The following KIFC3 variants were observed in gnomAD, a reference collection of about 807,000 sequenced individuals.
KIFC3 encodes the protein kinesin-like protein KIFC3.
In KIFC3, 60 loss-of-function variants were observed where a neutral mutation model predicts 101.8. The ratio of observed to expected loss-of-function variants is 0.59; its 90% confidence interval spans 0.48 to 0.73. The LOEUF (loss-of-function observed/expected upper bound fraction) is 0.73, where lower values mean the gene tolerates loss of function less well. Ranked by LOEUF, KIFC3 falls within the 30% of genes least tolerant of loss-of-function variation. The probability of loss-of-function intolerance (pLI) is 0.00; values close to 1 mark genes in which losing one functional copy is unlikely to be tolerated. For missense variants in KIFC3, 966 were observed against 1,137.1 expected (o/e 0.85, Z 2.16); for synonymous variants, 476 against 482.7 (o/e 0.99, Z 0.18).
In KIFC3 at chr16:57,760,346, A is replaced by G; in HGVS notation, c.2303T>C (p.Val768Ala). 1 of 1,613,968 alleles carries G rather than the reference A, an allele frequency of 6.2e-7. No homozygotes were observed. Among genetic ancestry groups the G allele is most frequent in the Non-Finnish European group, 8.5e-7 (1 of 1,179,980 alleles). The change falls in exon 17 of 20, where the codon GTG (valine) becomes GCG (alanine). Residue 768 changes from valine to alanine, a missense_variant. This residue lies in a region of KIFC3 where 689 missense variants were observed against 884.6 expected (regional missense o/e 0.78). Transcript: ENST00000445690. ...SLKFAERVRS[V>A]ELGPGLRRAE... The stretch of plus-strand genomic sequence containing the variant: ...CCTGCGTAGCCCAGGCCCCAGCTCC[A>G]CAGAGCGCACCCTCTCAGCAAACTT...
chr16:57,837,618 C>G (rs975551935), intron 1 of KIFC3, among the ~76,000 whole-genome samples: 3 of 127,732 alleles, frequency 2.3e-5, no homozygotes, highest in Non-Finnish European at 5.2e-5. Flanking sequence ...CCATAGCAAC[C>G]ATTTAATTGA....
intron 4 of KIFC3, 73 bp downstream of exon 4, chr16:57,772,150 T>G: frequency 2.2e-6 from 3 of 1,343,732 alleles, no homozygotes; most frequent in Non-Finnish European, 3.1e-6. Flanking sequence ...GTCGCACCCC[T>G]GCCCCTGGCA....
intron 1 of KIFC3, among the ~76,000 whole-genome samples, chr16:57,849,729 C>T (rs1290575273): frequency 2.0e-5 from 3 of 151,952 alleles, no homozygotes; most frequent in Admixed American, 2.0e-4. Context: ...ATGATAAAAC[C>T]CCATCTCTAC....
chr16:57,845,280 A>C (rs937572075), intron 1 of KIFC3, among the ~76,000 whole-genome samples: 1 of 152,032 alleles, frequency 6.6e-6, no homozygotes, highest in Non-Finnish European at 1.5e-5. Flanking sequence ...ACTTCTCACC[A>C]CTGCCAGTGC....
At chr16:57,826,758 T>C (rs2055465135) in intron 1 of KIFC3, among the ~76,000 whole-genome samples, 1 of 152,184 alleles carries the variant, frequency 6.6e-6, no homozygotes, top group Admixed American at 6.5e-5. Context: ...GCTGACAGTT[T>C]GTTCTGCTGA....
At chr16:57,833,175 C>T (rs1555479689) in intron 1 of KIFC3, among the ~76,000 whole-genome samples, 4 of 151,868 alleles carry the variant, frequency 2.6e-5, no homozygotes, top group Non-Finnish European at 5.9e-5. Context: ...GACTGCATTG[C>T]AGCCTGGGTG....
chr16:57,769,497 G>T lies in KIFC3; in HGVS notation c.1218+98C>A. On this transcript the variant is annotated intron_variant, in intron 9 of 19. Coordinates refer to ENST00000445690, the MANE Select transcript of KIFC3 (RefSeq NM_001130100.2). This position sits in a 1 kb window ranked among gnomAD's most constrained non-coding sequence, Gnocchi z 4.3. ...TGGGGCAGGGGCTGCTGTCTGAGCG[G>T]CTTTGTCTGAGCTTTGGAGGGACGC... 2.0e-6 allele frequency: 3 copies of T among 1,470,396 alleles called. 1 individual carries two copies. Among genetic ancestry groups the T allele is most frequent in the South Asian group, 2.6e-5 (2 of 76,944 alleles). The allele number at this position is 1,470,396 out of a possible 1,614,324, so 91.1% of individuals were successfully genotyped here. A position where few individuals can be genotyped will look rare whatever the true frequency, so the allele number is the denominator to read the frequency against.
Position 57,769,505 on chromosome 16 carries a change from T to G in KIFC3, c.1218+90A>C. 16 of 1,501,816 alleles carry G rather than the reference T, an allele frequency of 1.1e-5. No homozygotes were observed. The highest frequency in any genetic ancestry group is 1.4e-5 in the African/African-American group (1 of 72,910). 93.0% of individuals were successfully genotyped at this position (1,501,816 alleles called of 1,614,324 possible). A position where few individuals can be genotyped will look rare whatever the true frequency, so the allele number is the denominator to read the frequency against. On this transcript the variant is annotated intron_variant, in intron 9 of 19. Coordinates refer to ENST00000445690, the MANE Select transcript of KIFC3 (RefSeq NM_001130100.2). This position sits in a 1 kb window ranked among gnomAD's most constrained non-coding sequence, Gnocchi z 4.3. Reference sequence around the variant, plus strand: ...GGGCTGCTGTCTGAGCGGCTTTGTCTGAGCTTTGGAGGGACGCCCTGAGTG... The same window carrying G: ...GGGCTGCTGTCTGAGCGGCTTTGTCGGAGCTTTGGAGGGACGCCCTGAGTG...
At position 57,802,281 on chromosome 16, in the gene KIFC3, G is replaced by C. The variant is rs1303028211; in HGVS notation, c.-40+89C>G. On this transcript the variant is annotated intron_variant, in intron 1 of 19. Coordinates refer to ENST00000445690, the MANE Select transcript of KIFC3 (RefSeq NM_001130100.2). The surrounding 1 kb of genome is among the most constrained non-coding windows in gnomAD (Gnocchi z 5.0). The stretch of plus-strand genomic sequence containing the variant: ...TCCGGGCAGAGGGGTCCCGAGGGCA[G>C]GGCCGGCCCGGACGCGGCGCCCCAA... 2 of 706,178 alleles carry C rather than the reference G, an allele frequency of 2.8e-6. No individual in the cohort carries two copies. The highest frequency in any genetic ancestry group is 3.9e-5 in the African/African-American group (2 of 51,938). 43.7% of individuals were successfully genotyped at this position (706,178 alleles called of 1,614,324 possible).
chr16:57,860,211 C>T (rs970319334), intron 1 of KIFC3, among the ~76,000 whole-genome samples: 2 of 151,890 alleles, frequency 1.3e-5, no homozygotes, highest in African/African-American at 4.8e-5. Context: ...CCCAGCACTT[C>T]GGGAGGCCGA....
At chr16:57,768,260 C>G (rs1376184495) in intron 9 of KIFC3, among the ~76,000 whole-genome samples, 3 of 151,996 alleles carry the variant, frequency 2.0e-5, no homozygotes, top group Non-Finnish European at 4.4e-5. Flanking sequence ...GCAGGAGGGT[C>G]GCTTGAACCC....
intron 12 of KIFC3, among the ~76,000 whole-genome samples, chr16:57,762,901 C>T (rs1331220293): frequency 1.3e-5 from 2 of 152,322 alleles, no homozygotes; most frequent in Non-Finnish European, 1.5e-5. Flanking sequence ...TTGGCCTCAG[C>T]CCTGCAGCTC....
chr16:57,802,671 C>T (rs2054820060), upstream of KIFC3: 7 of 1,003,594 alleles, frequency 7.0e-6, no homozygotes, highest in South Asian at 1.3e-4. This position sits in a 1 kb window ranked among gnomAD's most constrained non-coding sequence, Gnocchi z 5.0. Flanking sequence ...CACTCCCACT[C>T]CTTCGCGGGG....
Position 57,774,952 on chromosome 16 carries a change from G to C in KIFC3, c.316-2664C>G, listed in dbSNP as rs995064360. On this transcript the variant is annotated intron_variant, in intron 3 of 19. Transcript: ENST00000445690. ...CCCCTCCCTCCCCAGAAAGGCTGCT[G>C]CCTCAGCATGGGGCTGGGCGCACTA... 12 of 1,503,584 alleles carry C rather than the reference G, an allele frequency of 8.0e-6. No homozygotes were observed. The African/African-American group carries it at 1.5e-4, about 19-fold the overall frequency. 93.1% of individuals were successfully genotyped at this position (1,503,584 alleles called of 1,614,324 possible). A position where few individuals can be genotyped will look rare whatever the true frequency, so the allele number is the denominator to read the frequency against.
intron 1 of KIFC3, among the ~76,000 whole-genome samples, chr16:57,838,662 T>C (rs1438451232): frequency 1.3e-5 from 2 of 152,206 alleles, no homozygotes; most frequent in African/African-American, 2.4e-5. Context: ...ATTGATGGTG[T>C]TGCAGCTTCC....
At position 57,759,150 on chromosome 16, in the gene KIFC3, C is replaced by A; in HGVS notation, c.2480G>T (p.Ter827LeuextTer8). 1 of 1,550,914 alleles carries A rather than the reference C, an allele frequency of 6.4e-7. No individual in the cohort carries two copies. Among genetic ancestry groups the A allele is most frequent in the Non-Finnish European group, 8.7e-7 (1 of 1,146,980 alleles). The change falls in exon 19 of 20, where the codon TGA becomes TTA. Residue 827 changes from the stop codon to leucine (L), a stop_lost. Transcript: ENST00000445690. The stretch of plus-strand genomic sequence containing the variant: ...CTAGAGACTCTGCAGCCCCAGCCGT[C>A]AGGCTGAAATCAAAGTGACAGGCGT... ...SIRRKLQPSA[*>L]
chr16:57,837,020 G>A (rs1340257503), intron 1 of KIFC3, among the ~76,000 whole-genome samples: 3 of 152,088 alleles, frequency 2.0e-5, no homozygotes, highest in Non-Finnish European at 2.9e-5. Flanking sequence ...AAGATGCACC[G>A]GAGGCTCTGC....
chr16:57,819,308 A>AAAAATT (rs782517926), intron 1 of KIFC3, among the ~76,000 whole-genome samples: 5 of 152,172 alleles, frequency 3.3e-5, no homozygotes, highest in Non-Finnish European at 7.3e-5. Context: ...TGTCTCTACA[A>AAAAATT]AAAATTAAAA....
intron 1 of KIFC3, among the ~76,000 whole-genome samples, chr16:57,813,442 C>A (rs188930610): frequency 8.7e-4 from 133 of 152,154 alleles, no homozygotes; most frequent in South Asian, 2.1e-3. Context: ...CCAGATAACC[C>A]AGAAAGCACG....
Sources: allele counts gnomAD v4.1 joint callset (sites outside exome capture counted in the v4.1 genomes callset), GRCh38; gene constraint gnomAD v4.1.1; regional missense constraint gnomAD v4.1.1; non-coding constraint Gnocchi (gnomAD v3.1); transcripts MANE v1.5; gene names NCBI Gene and HGNC (gene_info 2026-07-23, HGNC 2026-07-21).